GUCY1A2: variants seen among roughly 807,000 people sequenced by gnomAD.
The protein encoded by GUCY1A2 is guanylate cyclase 1 soluble subunit alpha 2.
Under a neutral mutation model 63.5 loss-of-function variants are expected in GUCY1A2, and 27 were observed. The observed-to-expected ratio is 0.43, with a 90% confidence interval of 0.31 to 0.59. The LOEUF is 0.59. Among genes scored for constraint, GUCY1A2 ranks in the 20% least tolerant of loss-of-function variants. GUCY1A2 has a pLI of 0.11. For missense variants in GUCY1A2, 768 were observed against 913.3 expected (o/e 0.84, Z 2.05); for synonymous variants, 364 against 343.5 (o/e 1.06, Z -0.66).
chr11:106,992,189 C>T (rs1289264647), intron 1 of GUCY1A2, among the ~76,000 whole-genome samples: 2 of 151,982 alleles, frequency 1.3e-5, no homozygotes, highest in Non-Finnish European at 2.9e-5. Context: ...CCTAATTGAT[C>T]CTTGCACCAA....
chr11:106,748,416 TCTC>T (rs1315821688), intron 6 of GUCY1A2, among the ~76,000 whole-genome samples: 1 of 152,110 alleles, frequency 6.6e-6, no homozygotes, highest in Non-Finnish European at 1.5e-5. Context: ...ATATACGAAT[TCTC>T]CTCACTATAT....
In GUCY1A2 at chr11:106,809,847, GAAGA is replaced by G. The variant is rs373215851; in HGVS notation, c.1692+142_1692+145del. On this transcript the variant is annotated intron_variant, in intron 5 of 7. Transcript: ENST00000526355. Reference sequence around the variant, plus strand: ...CTCATATTGAAAGTTTACTCATAAAGAAGAAATACCTGTATTATCTATAAAATTT... The same window carrying G: ...CTCATATTGAAAGTTTACTCATAAAGAATACCTGTATTATCTATAAAATTT... The G allele has an allele frequency of 2.0e-4, 113 of 551,284 alleles. 1 individual carries two copies. The highest frequency in any genetic ancestry group is 2.0e-3 in the African/African-American group (108 of 53,238). 34.1% of individuals were successfully genotyped at this position (551,284 alleles called of 1,614,324 possible). A position where few individuals can be genotyped will look rare whatever the true frequency, so the allele number is the denominator to read the frequency against.
intron 7 of GUCY1A2, among the ~76,000 whole-genome samples, chr11:106,696,666 A>G (rs1862724722): frequency 6.6e-6 from 1 of 152,138 alleles, no homozygotes; most frequent in South Asian, 2.1e-4. Flanking sequence ...AGCCCCCAAG[A>G]AGGCAAATCA....
intron 1 of GUCY1A2, among the ~76,000 whole-genome samples, chr11:106,994,258 A>C (rs1278213009): frequency 6.6e-6 from 1 of 152,222 alleles, no homozygotes; most frequent in Non-Finnish European, 1.5e-5. Flanking sequence ...TCAATATTGT[A>C]ATTAAGTCTT....
chr11:106,931,759 G>A (rs748094888), intron 4 of GUCY1A2, among the ~76,000 whole-genome samples: 3 of 152,180 alleles, frequency 2.0e-5, no homozygotes, highest in Non-Finnish European at 4.4e-5. Flanking sequence ...GATGACATTT[G>A]TAAGAAATGA....
chr11:106,689,475 C>T (rs1862584086), intron 7 of GUCY1A2, among the ~76,000 whole-genome samples: 1 of 151,900 alleles, frequency 6.6e-6, no homozygotes, highest in African/African-American at 2.4e-5. Context: ...ATGCATCCAA[C>T]AAAGGTCTAA....
At chr11:106,945,138 C>A (rs868762767) in intron 3 of GUCY1A2, among the ~76,000 whole-genome samples, 12 of 148,284 alleles carry the variant, frequency 8.1e-5, no homozygotes, top group Admixed American at 1.3e-4. Flanking sequence ...CTAAGAATAT[C>A]TGGTTGGATT....
chr11:106,759,390 G>T (rs1156967869), intron 6 of GUCY1A2, among the ~76,000 whole-genome samples: 2 of 152,132 alleles, frequency 1.3e-5, no homozygotes, highest in African/African-American at 4.8e-5. Flanking sequence ...AATTAGAAGG[G>T]TGATAGGAGC....
intron 1 of GUCY1A2, among the ~76,000 whole-genome samples, chr11:106,987,213 G>A (rs973136618): frequency 3.9e-5 from 6 of 152,190 alleles, no homozygotes; most frequent in Non-Finnish European, 5.9e-5. Context: ...CAAGATGTGA[G>A]GCAGCATGGT....
intron 4 of GUCY1A2, among the ~76,000 whole-genome samples, chr11:106,911,927 T>G (rs1258212295): frequency 6.6e-6 from 1 of 152,040 alleles, no homozygotes; most frequent in East Asian, 1.9e-4. Flanking sequence ...ATTAATCACT[T>G]GCATCCAATT....
At chr11:106,994,706 C>G (rs1861513284) in intron 1 of GUCY1A2, among the ~76,000 whole-genome samples, 1 of 152,166 alleles carries the variant, frequency 6.6e-6, no homozygotes, top group African/African-American at 2.4e-5. Context: ...CCATCAAGAC[C>G]AGGTCGTGGG....
At chr11:106,707,665 G>A (rs931170953) in intron 7 of GUCY1A2, among the ~76,000 whole-genome samples, 2 of 151,662 alleles carry the variant, frequency 1.3e-5, no homozygotes, top group African/African-American at 4.8e-5. Context: ...ATAAGTTTGG[G>A]GATATAATGA....
rs1309854685 is a variant in GUCY1A2 at position 106,918,842 on chromosome 11, T to A, written c.1206+20618A>T. Among the ~76,000 whole-genome samples the A allele has an allele frequency of 1.8e-5, 2 of 109,808 alleles. 1 individual carries two copies. Among genetic ancestry groups the A allele is most frequent in the African/African-American group, 5.4e-5 (2 of 37,116 alleles). 72.0% of individuals were successfully genotyped at this position (109,808 alleles called of 152,430 possible). On this transcript the variant is annotated intron_variant, in intron 4 of 7. Transcript: ENST00000526355. ...TGTACCTAGCATTTCAAATAATCAA[T>A]ATTAGAAAGCCAATAAAATCTTGAT... is the stretch of plus-strand genomic sequence containing the variant.
intron 3 of GUCY1A2, among the ~76,000 whole-genome samples, chr11:106,970,782 C>A (rs1207090238): frequency 6.6e-6 from 1 of 151,508 alleles, no homozygotes; most frequent in African/African-American, 2.4e-5. Flanking sequence ...TGTTTTATAG[C>A]AGTTAATTCA....
chr11:106,814,758 A>G (rs1473559298), intron 4 of GUCY1A2, among the ~76,000 whole-genome samples: 1 of 152,104 alleles, frequency 6.6e-6, no homozygotes, highest in East Asian at 1.9e-4. Context: ...AAAACCCACA[A>G]AAGTAGGCCA....
intron 3 of GUCY1A2, among the ~76,000 whole-genome samples, chr11:106,969,434 T>C (rs1180478627): frequency 6.6e-6 from 1 of 152,048 alleles, no homozygotes; most frequent in Admixed American, 6.6e-5. Flanking sequence ...GATAACACAA[T>C]GGACAAAAAC....
intron 4 of GUCY1A2, among the ~76,000 whole-genome samples, chr11:106,913,339 G>A (rs907572990): frequency 2.0e-5 from 3 of 152,110 alleles, no homozygotes; most frequent in African/African-American, 4.8e-5. Context: ...GAGAGCCTCA[G>A]GCTACTTCTG....
At chr11:106,727,179 T>C (rs1394481274) in intron 6 of GUCY1A2, among the ~76,000 whole-genome samples, 1 of 152,190 alleles carries the variant, frequency 6.6e-6, no homozygotes. Flanking sequence ...AACGCAAATC[T>C]GTTAGGACAG....
intron 5 of GUCY1A2, among the ~76,000 whole-genome samples, chr11:106,802,596 T>C (rs73551835): frequency 8.3e-4 from 126 of 152,206 alleles, no homozygotes; most frequent in African/African-American, 3.0e-3. Flanking sequence ...CAAAACACCA[T>C]AGACTGGGTG....
Sources: gnomAD v4.1 joint callset for allele counts (sites outside exome capture counted in the v4.1 genomes callset) on GRCh38, gnomAD v4.1.1 for gene constraint, MANE v1.5 for transcripts, NCBI Gene and HGNC (gene_info 2026-07-23, HGNC 2026-07-21) for gene names.